Variants in PTPRG observed in about 807,000 individuals in gnomAD.
PTPRG encodes the protein receptor-type tyrosine-protein phosphatase gamma.
PTPRG carries 102 observed loss-of-function variants against 165.3 expected under a neutral mutation model. The ratio of observed to expected loss-of-function variants is 0.62; its 90% CI spans 0.53 to 0.73. The LOEUF (loss-of-function observed/expected upper bound fraction) is 0.73, where lower values mean the gene tolerates loss of function less well. Ranked by LOEUF, PTPRG falls within the 30% of genes least tolerant of loss-of-function variation. PTPRG has a pLI of 0.00. For missense variants in PTPRG, 1,866 were observed against 1,861.4 expected (o/e 1.00, Z -0.05); for synonymous variants, 675 against 669.5 (o/e 1.01, Z -0.13).
intron 1 of PTPRG, among the ~76,000 whole-genome samples, chr3:61,665,013 A>G (rs970208901): frequency 1.3e-5 from 2 of 152,126 alleles, no homozygotes; most frequent in Admixed American, 6.5e-5. Context: ...TACTGTCTCT[A>G]TCAGTGTCAC....
intron 2 of PTPRG, among the ~76,000 whole-genome samples, chr3:61,887,170 A>ATATTTTTTTTTTTT (rs60282456): frequency 1.7e-5 from 2 of 115,524 alleles, no homozygotes; most frequent in African/African-American, 6.5e-5. Context: ...ATATATATAT[A>ATATTTTTTTTTTTT]TTTTTAATGC....
chr3:61,881,727 G>C (rs2037894431), intron 2 of PTPRG, among the ~76,000 whole-genome samples: 1 of 152,130 alleles, frequency 6.6e-6, no homozygotes. Flanking sequence ...GAAATGAAGA[G>C]AGAACCTTAG....
chr3:62,242,619 T>C (rs540521448), intron 14 of PTPRG, among the ~76,000 whole-genome samples: 124 of 152,328 alleles, frequency 8.1e-4, no homozygotes, highest in African/African-American at 2.9e-3. Flanking sequence ...CTGTGGTCTC[T>C]TCACTCCCAA....
intron 2 of PTPRG, among the ~76,000 whole-genome samples, chr3:61,948,328 A>C (rs978656170): frequency 7.0e-6 from 1 of 141,896 alleles, no homozygotes; most frequent in Non-Finnish European, 1.5e-5. Context: ...TCCGTTTTAC[A>C]AAAAAAAAAG....
intron 4 of PTPRG, among the ~76,000 whole-genome samples, chr3:62,029,336 C>G (rs1242447835): frequency 1.3e-5 from 2 of 152,186 alleles, no homozygotes; most frequent in Non-Finnish European, 2.9e-5. Flanking sequence ...CTCACTGTCA[C>G]AAGCTTCAAA....
chr3:61,740,059 T>C (rs2032917689), intron 1 of PTPRG, among the ~76,000 whole-genome samples: 1 of 152,206 alleles, frequency 6.6e-6, no homozygotes, highest in Non-Finnish European at 1.5e-5. Flanking sequence ...GTGTTCAGCA[T>C]GGTGGCCACC....
chr3:61,901,706 C>G (rs1355476063), intron 2 of PTPRG, among the ~76,000 whole-genome samples: 4 of 152,178 alleles, frequency 2.6e-5, no homozygotes, highest in Admixed American at 1.3e-4. Flanking sequence ...CACACTGATT[C>G]TGAGATAAGC....
chr3:62,236,791 T>C (rs962054866), intron 14 of PTPRG, among the ~76,000 whole-genome samples: 1 of 152,208 alleles, frequency 6.6e-6, no homozygotes, highest in African/African-American at 2.4e-5. Flanking sequence ...TCCTCCACCC[T>C]GCCCATGTCC....
At chr3:62,080,698 C>G (rs1427520458) in intron 5 of PTPRG, among the ~76,000 whole-genome samples, 2 of 152,140 alleles carry the variant, frequency 1.3e-5, no homozygotes, top group African/African-American at 4.8e-5. Flanking sequence ...ATGCTCTACC[C>G]AAACACTTTC....
chr3:62,131,363 G>A (rs6797646), intron 5 of PTPRG, among the ~76,000 whole-genome samples: 38,030 of 152,138 alleles, frequency 0.25, 5,851 homozygotes, highest in Non-Finnish European at 0.34. Flanking sequence ...TAGGAGAGAT[G>A]GAAGTGTGTG....
chr3:62,137,660 T>C (rs1213560142), intron 6 of PTPRG, among the ~76,000 whole-genome samples: 1 of 151,376 alleles, frequency 6.6e-6, no homozygotes, highest in African/African-American at 2.4e-5. Context: ...CACCGTGATC[T>C]TTTTTTGGTG....
intron 2 of PTPRG, among the ~76,000 whole-genome samples, chr3:61,842,678 G>A (rs1461163014): frequency 8.4e-6 from 1 of 119,548 alleles, no homozygotes; most frequent in Non-Finnish European, 1.7e-5. Flanking sequence ...GGCAATGTAT[G>A]TGTGGCAAAA....
chr3:61,809,681 A>G (rs1421234759), intron 2 of PTPRG, among the ~76,000 whole-genome samples: 1 of 152,192 alleles, frequency 6.6e-6, no homozygotes, highest in East Asian at 1.9e-4. Context: ...TTGAAAAGAA[A>G]ATAATATAGT....
intron 2 of PTPRG, among the ~76,000 whole-genome samples, chr3:61,815,530 A>T (rs1232459599): frequency 6.6e-6 from 1 of 152,232 alleles, no homozygotes; most frequent in Non-Finnish European, 1.5e-5. Context: ...ACCATGTCTC[A>T]GTGTCATCTC....
rs144398771 is a variant in PTPRG at position 61,716,739 on chromosome 3, G to A, written c.86-32139G>A. On this transcript the variant is annotated intron_variant, in intron 1 of 29. Coordinates refer to ENST00000474889, the MANE Select transcript of PTPRG (RefSeq NM_002841.4). The stretch of plus-strand genomic sequence containing the variant: ...TGTAATCCTAGCACTTTGGAAGGCC[G>A]AGGTGGGTGGGTCACGAGGTCAGGA... Among the ~76,000 whole-genome samples, 586 of 152,318 alleles carry A rather than the reference G, an allele frequency of 3.8e-3. 1 individual carries two copies. The highest frequency in any genetic ancestry group is 4.4e-3 in the Non-Finnish European group (302 of 68,028).
At chr3:61,756,020 A>G (rs2033622961) in intron 2 of PTPRG, among the ~76,000 whole-genome samples, 1 of 152,156 alleles carries the variant, frequency 6.6e-6, no homozygotes, top group African/African-American at 2.4e-5. Context: ...GCTCATGGGA[A>G]TTCATTATCG....
At chr3:61,820,603 G>GTTTTTTTTTTT (rs11329820) in intron 2 of PTPRG, among the ~76,000 whole-genome samples, 15 of 65,732 alleles carry the variant, frequency 2.3e-4, no homozygotes, top group East Asian at 1.4e-3. Flanking sequence ...CTGTGTCTCT[G>GTTTTTTTTTTT]TTTTTTTTTT....
intron 1 of PTPRG, among the ~76,000 whole-genome samples, chr3:61,708,129 C>T (rs750901063): frequency 2.5e-4 from 38 of 151,842 alleles, no homozygotes; most frequent in South Asian, 8.4e-4. Flanking sequence ...CTCCCCGGAA[C>T]GCTGTGTCAC....
intron 2 of PTPRG, among the ~76,000 whole-genome samples, chr3:61,961,872 G>T (rs922132891): frequency 6.6e-6 from 1 of 152,132 alleles, no homozygotes; most frequent in Non-Finnish European, 1.5e-5. Flanking sequence ...TCTTTATCAG[G>T]CCTTCCAGGT....
Sources: allele counts gnomAD v4.1 joint callset (sites outside exome capture counted in the v4.1 genomes callset), GRCh38; gene constraint gnomAD v4.1.1; transcripts MANE v1.5; gene names NCBI Gene and HGNC (gene_info 2026-07-23, HGNC 2026-07-21).